Variants in AUTS2 observed in about 807,000 individuals in gnomAD.
The protein encoded by AUTS2 is autism susceptibility gene 2 protein.
AUTS2 carries 17 observed loss-of-function variants against 112.4 expected under a neutral mutation model. That is an observed-to-expected ratio of 0.15 (90% confidence interval 0.10 to 0.23). AUTS2 has a LOEUF of 0.23. Among genes scored for constraint, AUTS2 ranks in the 10% least tolerant of loss-of-function variants. AUTS2 has a pLI of 1.00. For synonymous variants in AUTS2, 751 were observed against 702.7 expected, an observed-to-expected ratio of 1.07 and a Z score of -1.09; for missense variants, 1,510 against 1,701.6, an observed-to-expected ratio of 0.89 and a Z score of 1.98.
At chr7:69,983,547 G>C (rs1398851753) in intron 2 of AUTS2, among the ~76,000 whole-genome samples, 2 of 151,916 alleles carry the variant, frequency 1.3e-5, no homozygotes, top group African/African-American at 4.8e-5. Flanking sequence ...GGTTATGTGG[G>C]TATGACTGTG....
At chr7:70,764,094 T>C (rs1789749834) in intron 7 of AUTS2, among the ~76,000 whole-genome samples, 1 of 152,156 alleles carries the variant, frequency 6.6e-6, no homozygotes, top group East Asian at 1.9e-4. Context: ...CCTGAGGCTG[T>C]GTGTCTTTGT....
At position 70,135,118 on chromosome 7, in the gene AUTS2, T is replaced by C. The variant is rs1044060494; in HGVS notation, c.660+547T>C. 2.0e-5 allele frequency among the ~76,000 whole-genome samples: 3 copies of C among 152,150 alleles called. No homozygotes were observed. The East Asian group carries it at 5.8e-4, about 29-fold the overall frequency. ...TTTTTGCTAAAATGCAAAGTTTATT[T>C]CTGAACCTTATTCTCTGTCCTTTGG... On this transcript the variant is annotated intron_variant, in intron 4 of 18. Coordinates refer to ENST00000342771, the MANE Select transcript of AUTS2 (RefSeq NM_015570.4).
chr7:70,741,367 A>C (rs1788095866), intron 6 of AUTS2, among the ~76,000 whole-genome samples: 1 of 151,908 alleles, frequency 6.6e-6, no homozygotes, highest in Non-Finnish European at 1.5e-5. Context: ...CAGTAAAAAC[A>C]GTAACTTAGT....
chr7:70,567,733 A>G (rs565975531), intron 5 of AUTS2, among the ~76,000 whole-genome samples: 5 of 152,186 alleles, frequency 3.3e-5, no homozygotes, highest in African/African-American at 1.2e-4. Flanking sequence ...GGGTTCATCA[A>G]CTCATTTTCG....
At chr7:70,244,358 A>C (rs1040923991) in intron 4 of AUTS2, among the ~76,000 whole-genome samples, 28 of 152,238 alleles carry the variant, frequency 1.8e-4, no homozygotes, top group Non-Finnish European at 3.2e-4. Flanking sequence ...CTTAAGTTAG[A>C]GAGGCATTTA....
intron 14 of AUTS2, among the ~76,000 whole-genome samples, chr7:70,777,985 TC>T: frequency 6.6e-6 from 1 of 152,302 alleles, no homozygotes; most frequent in Middle Eastern, 3.4e-3. Flanking sequence ...TCATTGGTCC[TC>T]CTGATGGTCA....
chr7:70,544,889 C>A (rs1218065620), intron 5 of AUTS2, among the ~76,000 whole-genome samples: 1 of 152,054 alleles, frequency 6.6e-6, no homozygotes, highest in East Asian at 1.9e-4. Flanking sequence ...AAGATTGTTT[C>A]CAGGTATGCT....
At chr7:69,984,072 C>G (rs916986278) in intron 2 of AUTS2, among the ~76,000 whole-genome samples, 1 of 152,004 alleles carries the variant, frequency 6.6e-6, no homozygotes, top group Non-Finnish European at 1.5e-5. Flanking sequence ...TTTGACCTAA[C>G]GTTGATTCAG....
chr7:70,165,866 C>A (rs941605008), intron 4 of AUTS2, among the ~76,000 whole-genome samples: 8 of 152,168 alleles, frequency 5.3e-5, no homozygotes, highest in African/African-American at 1.9e-4. Context: ...CCACCCAAAT[C>A]TCATTTCAAA....
chr7:70,164,528 G>C (rs1255758030), intron 4 of AUTS2, among the ~76,000 whole-genome samples: 1 of 151,990 alleles, frequency 6.6e-6, no homozygotes, highest in Non-Finnish European at 1.5e-5. Context: ...CGATTGGTTG[G>C]ATTAAAAAAT....
chr7:70,793,100 G>A lies in AUTS2; in HGVS notation c.*2104G>A, dbSNP rs1461619583. ...CGCTTGTGGTTTGTTTTTTGAGGAG[G>A]GGGGGTTCTGTTAGTTTTTCGTATG... On this transcript the variant is annotated 3_prime_UTR_variant, in exon 19 of 19. Transcript: ENST00000342771. 6.6e-6 allele frequency: 1 copy of A among 151,946 alleles called. No homozygotes were observed. The highest frequency in any genetic ancestry group is 1.5e-5 in the Non-Finnish European group (1 of 68,062). 9.4% of individuals were successfully genotyped at this position (151,946 alleles called of 1,614,324 possible).
intron 5 of AUTS2, among the ~76,000 whole-genome samples, chr7:70,625,756 C>T (rs1048440435): frequency 1.3e-5 from 2 of 152,234 alleles, no homozygotes; most frequent in Middle Eastern, 3.4e-3. Flanking sequence ...CACGTACATT[C>T]GTGGCTATAG....
At chr7:69,860,334 CA>C in intron 1 of AUTS2, among the ~76,000 whole-genome samples, 1 of 152,122 alleles carries the variant, frequency 6.6e-6, no homozygotes, top group Non-Finnish European at 1.5e-5. Flanking sequence ...ACCTGGATTT[CA>C]ATCAGGGATT....
chr7:69,953,124 T>C (rs1026887885), intron 2 of AUTS2, among the ~76,000 whole-genome samples: 5 of 152,202 alleles, frequency 3.3e-5, no homozygotes, highest in Admixed American at 2.0e-4. Flanking sequence ...CAATGTTGTT[T>C]GATAAGAATC....
In AUTS2 at chr7:69,792,189, G is replaced by A. The variant is rs151092365; in HGVS notation, c.310-107097G>A. On this transcript the variant is annotated intron_variant, in intron 1 of 18. Transcript: ENST00000342771. The stretch of plus-strand genomic sequence containing the variant: ...ATGAAAGGAATCATTATTATTGTCA[G>A]TGATTCTTGATTATCTACTATAGGC... 6.8e-3 allele frequency among the ~76,000 whole-genome samples: 1,030 copies of A among 151,938 alleles called. 7 individuals carry two copies. The highest frequency in any genetic ancestry group is 0.014 in the Middle Eastern group (4 of 292).
intron 2 of AUTS2, among the ~76,000 whole-genome samples, chr7:70,049,413 T>C (rs1801649013): frequency 6.6e-6 from 1 of 151,846 alleles, no homozygotes; most frequent in African/African-American, 2.4e-5. Flanking sequence ...CACTGCAACC[T>C]CCACTTCCCA....
At chr7:69,765,305 A>G (rs954446756) in intron 1 of AUTS2, among the ~76,000 whole-genome samples, 1 of 152,186 alleles carries the variant, frequency 6.6e-6, no homozygotes, top group African/African-American at 2.4e-5. Flanking sequence ...TGGACATGGT[A>G]GGTACCTAGT....
intron 4 of AUTS2, among the ~76,000 whole-genome samples, chr7:70,248,480 A>T (rs2030705): frequency 0.22 from 33,688 of 151,826 alleles, 3,698 homozygotes; most frequent in Middle Eastern, 0.32. Context: ...GATTTTTTTT[A>T]AAATTTTTTT....
At chr7:70,528,915 T>C (rs1799967722) in intron 5 of AUTS2, among the ~76,000 whole-genome samples, 1 of 151,756 alleles carries the variant, frequency 6.6e-6, no homozygotes, top group Non-Finnish European at 1.5e-5. Context: ...TGAAGGAGGA[T>C]AATAGCAACC....
Sources: allele counts gnomAD v4.1 joint callset (sites outside exome capture counted in the v4.1 genomes callset), GRCh38; gene constraint gnomAD v4.1.1; transcripts MANE v1.5; gene names NCBI Gene and HGNC (gene_info 2026-07-23, HGNC 2026-07-21).